The following FGF12 variants were observed in gnomAD, a reference collection of about 807,000 sequenced individuals.
FGF12 encodes fibroblast growth factor 12B.
In FGF12, 14 loss-of-function variants were observed where a neutral mutation model predicts 23.6. That is an observed-to-expected ratio of 0.59 (90% CI 0.39 to 0.93). The LOEUF is 0.93. Ranked by LOEUF, FGF12 falls within the 40% of genes least tolerant of loss-of-function variation. The probability of loss-of-function intolerance (pLI) is 0.00; values close to 1 mark genes in which losing one functional copy is unlikely to be tolerated. For synonymous variants in FGF12, 62 were observed against 77.3 expected, an observed-to-expected ratio of 0.80 and a Z score of 1.04; for missense variants, 175 against 217.8, an observed-to-expected ratio of 0.80 and a Z score of 1.24.
intron 2 of FGF12, among the ~76,000 whole-genome samples, chr3:192,713,644 GAGACA>G (rs1718765805): frequency 6.6e-6 from 1 of 152,178 alleles, no homozygotes. Flanking sequence ...AGGTTGCTCA[GAGACA>G]AGACAAGGCT....
chr3:192,380,354 C>A (rs1719763744), intron 2 of FGF12, among the ~76,000 whole-genome samples: 1 of 152,106 alleles, frequency 6.6e-6, no homozygotes, highest in South Asian at 2.1e-4. Context: ...TGGTTGATTT[C>A]AACATTTTCT....
intron 4 of FGF12, among the ~76,000 whole-genome samples, chr3:192,231,834 CA>C (rs1157534611): frequency 6.6e-6 from 1 of 151,946 alleles, no homozygotes; most frequent in Non-Finnish European, 1.5e-5. Flanking sequence ...AATACTTTTG[CA>C]CCAACCTAAT....
chr3:192,211,439 T>G (rs984217420), intron 4 of FGF12, among the ~76,000 whole-genome samples: 2 of 152,158 alleles, frequency 1.3e-5, no homozygotes, highest in Admixed American at 6.5e-5. Context: ...TTGTTTATTT[T>G]TTTGAGACGG....
At chr3:192,201,027 C>G (rs1717341462) in intron 4 of FGF12, among the ~76,000 whole-genome samples, 1 of 152,126 alleles carries the variant, frequency 6.6e-6, no homozygotes. Flanking sequence ...AGGGGTACAG[C>G]TTCAGATGTC....
At chr3:192,612,221 C>T (rs1714574373) in intron 2 of FGF12, among the ~76,000 whole-genome samples, 1 of 151,996 alleles carries the variant, frequency 6.6e-6, no homozygotes, top group South Asian at 2.1e-4. Flanking sequence ...TGCTTTCCTT[C>T]TATGACCCTG....
At chr3:192,599,557 C>A (rs1714021672) in intron 2 of FGF12, among the ~76,000 whole-genome samples, 1 of 151,900 alleles carries the variant, frequency 6.6e-6, no homozygotes, top group Non-Finnish European at 1.5e-5. Flanking sequence ...ATTGTTATTG[C>A]CACTATGTAA....
intron 4 of FGF12, chr3:192,238,370 G>A (rs1033450726): frequency 3.3e-4 from 50 of 152,804 alleles, no homozygotes; most frequent in African/African-American, 1.1e-3. Flanking sequence ...TGCACTGGCA[G>A]GGAAAGACTA....
At chr3:192,664,127 T>C (rs1208085996) in intron 2 of FGF12, among the ~76,000 whole-genome samples, 2 of 152,212 alleles carry the variant, frequency 1.3e-5, no homozygotes, top group Non-Finnish European at 2.9e-5. Context: ...AGTTAAGCAA[T>C]GTGGTCCTCG....
At chr3:192,442,022 A>T (rs1049976674) in intron 2 of FGF12, among the ~76,000 whole-genome samples, 1 of 152,226 alleles carries the variant, frequency 6.6e-6, no homozygotes, top group African/African-American at 2.4e-5. Flanking sequence ...CCTAATTTTG[A>T]TTTACAGTAA....
chr3:192,638,893 A>G (rs1290458121), intron 2 of FGF12, among the ~76,000 whole-genome samples: 1 of 152,230 alleles, frequency 6.6e-6, no homozygotes, highest in East Asian at 1.9e-4. Flanking sequence ...CACCTAATTT[A>G]ATAGAAACTT....
chr3:192,225,313 A>C (rs1718677036), intron 4 of FGF12, among the ~76,000 whole-genome samples: 1 of 151,956 alleles, frequency 6.6e-6, no homozygotes, highest in Non-Finnish European at 1.5e-5. Flanking sequence ...TTCCATCGTC[A>C]TTCTCTGCCC....
At chr3:192,434,312 G>A (rs1434010648) in intron 2 of FGF12, among the ~76,000 whole-genome samples, 1 of 152,158 alleles carries the variant, frequency 6.6e-6, no homozygotes, top group Non-Finnish European at 1.5e-5. Context: ...GCTTTTCCTT[G>A]AAAAACTGAG....
At chr3:192,423,077 G>A (rs1176149063) in intron 2 of FGF12, among the ~76,000 whole-genome samples, 1 of 152,122 alleles carries the variant, frequency 6.6e-6, no homozygotes, top group East Asian at 1.9e-4. Context: ...TCCTAACTGA[G>A]CCCTGTAATA....
intron 2 of FGF12, among the ~76,000 whole-genome samples, chr3:192,650,791 A>T (rs1018822578): frequency 6.3e-4 from 96 of 152,336 alleles, no homozygotes; most frequent in Non-Finnish European, 1.6e-4. Flanking sequence ...AAATAATGCC[A>T]CATATTAATG....
At chr3:192,363,962 A>G (rs1718858267) in intron 2 of FGF12, among the ~76,000 whole-genome samples, 1 of 152,220 alleles carries the variant, frequency 6.6e-6, no homozygotes, top group African/African-American at 2.4e-5. Context: ...GTATAATACC[A>G]GTGTGGGAGA....
chr3:192,209,872 T>C (rs1436339861), intron 4 of FGF12, among the ~76,000 whole-genome samples: 1 of 152,212 alleles, frequency 6.6e-6, no homozygotes, highest in Admixed American at 6.5e-5. Flanking sequence ...TGCTTTCCTA[T>C]TGATAACTTG....
chr3:192,210,752 C>G (rs1462535915), intron 4 of FGF12, among the ~76,000 whole-genome samples: 1 of 152,112 alleles, frequency 6.6e-6, no homozygotes, highest in African/African-American at 2.4e-5. Context: ...AAGAGAGAGA[C>G]AGTCATGTAA....
intron 2 of FGF12, among the ~76,000 whole-genome samples, chr3:192,711,495 T>C (rs966419043): frequency 5.9e-5 from 9 of 152,124 alleles, no homozygotes; most frequent in Non-Finnish European, 1.0e-4. Flanking sequence ...GGCGGTTTTG[T>C]CGAATAGAAA....
chr3:192,330,233 T>A (rs1307832229), intron 4 of FGF12, among the ~76,000 whole-genome samples: 1 of 152,050 alleles, frequency 6.6e-6, no homozygotes, highest in Non-Finnish European at 1.5e-5. Flanking sequence ...CATTCCAAAA[T>A]TTATATAAAA....
Sources: gnomAD v4.1 joint callset for allele counts (sites outside exome capture counted in the v4.1 genomes callset) on GRCh38, gnomAD v4.1.1 for gene constraint, MANE v1.5 for transcripts, NCBI Gene and HGNC (gene_info 2026-07-23, HGNC 2026-07-21) for gene names.